Variants in SPG11 observed in about 807,000 individuals in gnomAD.
SPG11 encodes the protein SPG11 vesicle trafficking associated, spatacsin.
A neutral mutation model predicts 274.0 loss-of-function variants in SPG11; 222 were observed. The observed-to-expected ratio is 0.81, with a 90% CI of 0.73 to 0.91. The LOEUF is 0.91. Among genes scored for constraint, SPG11 ranks in the 40% least tolerant of loss-of-function variants. The pLI, the probability that SPG11 is intolerant of heterozygous loss-of-function variation, is 0.00. For synonymous variants in SPG11, 1,144 were observed against 1,039.7 expected, an observed-to-expected ratio of 1.10 and a Z score of -1.93; for missense variants, 3,114 against 2,872.7, an observed-to-expected ratio of 1.08 and a Z score of -1.92.
chr15:44,609,846 A>G (rs1480872960), intron 18 of SPG11, among the ~76,000 whole-genome samples: 1 of 147,920 alleles, frequency 6.8e-6, no homozygotes, highest in Non-Finnish European at 1.5e-5. Context: ...ATCGTGTCTC[A>G]GCCACCCAAG....
At chr15:44,654,461 C>A (rs1439419692) in intron 4 of SPG11, among the ~76,000 whole-genome samples, 2 of 151,186 alleles carry the variant, frequency 1.3e-5, no homozygotes, top group African/African-American at 4.9e-5. Flanking sequence ...TGGGCCGAGA[C>A]TGCACCACTG....
At chr15:44,647,582 A>AT (rs998968428) in intron 7 of SPG11, among the ~76,000 whole-genome samples, 1 of 152,252 alleles carries the variant, frequency 6.6e-6, no homozygotes, top group Non-Finnish European at 1.5e-5. Flanking sequence ...ATATTCAGCC[A>AT]TAAAAAGGAA....
chr15:44,595,170 AT>A, intron 26 of SPG11, 88 bp downstream of exon 26: 1 of 1,336,892 alleles, frequency 7.5e-7, no homozygotes, highest in Non-Finnish European at 1.1e-6. Flanking sequence ...CTAAAAAAAA[AT>A]CCAGGGATGG....
intron 8 of SPG11, among the ~76,000 whole-genome samples, chr15:44,630,737 A>G (rs943336100): frequency 3.9e-5 from 6 of 151,936 alleles, no homozygotes; most frequent in Non-Finnish European, 8.8e-5. Flanking sequence ...GCACCACCAC[A>G]CATGGCTAAT....
At chr15:44,634,407 TG>T (rs1176992154) in intron 7 of SPG11, among the ~76,000 whole-genome samples, 1 of 151,684 alleles carries the variant, frequency 6.6e-6, no homozygotes, top group Non-Finnish European at 1.5e-5. Flanking sequence ...CTGGAGTAAC[TG>T]GGACTACAGG....
At chr15:44,564,220 T>C (rs1435662548) in intron 39 of SPG11, among the ~76,000 whole-genome samples, 1 of 152,032 alleles carries the variant, frequency 6.6e-6, no homozygotes, top group Non-Finnish European at 1.5e-5. Context: ...CTCAAACTCC[T>C]GACCTCAAGT....
At chr15:44,663,157 C>G (rs2085166854) in intron 1 of SPG11, among the ~76,000 whole-genome samples, 1 of 152,256 alleles carries the variant, frequency 6.6e-6, no homozygotes, top group Non-Finnish European at 1.5e-5. Context: ...GCCGTCTCCG[C>G]CCACCCGGAA....
chr15:44,569,185 GA>G (rs535414227), intron 35 of SPG11, among the ~76,000 whole-genome samples: 38 of 144,986 alleles, frequency 2.6e-4, no homozygotes, highest in Admixed American at 1.0e-3. Context: ...AAAAGAAAAA[GA>G]AAAAAAAAAT....
intron 3 of SPG11, 140 bp downstream of exon 3, chr15:44,658,939 C>T (rs1394025471): frequency 1.3e-6 from 1 of 744,518 alleles, no homozygotes; most frequent in East Asian, 2.5e-5. Flanking sequence ...TTATGAGGAT[C>T]TTTTTCCATG....
Position 44,659,284 on chromosome 15 carries a change from CAA to C in SPG11, c.460_461del (p.Leu154GlufsTer8), listed in dbSNP as rs1595938132. 1 of 1,613,648 alleles carries C rather than the reference CAA, an allele frequency of 6.2e-7. No homozygotes were observed. Among genetic ancestry groups the C allele is most frequent in the Non-Finnish European group, 8.5e-7 (1 of 1,179,598 alleles). ...TGTTATTGTGAAATGACAGGATTCT[CAA>C]AGACAATAAGGAAATACCTACAAAA... ...DQDISISLLS[L>X]RILSFHNNTS... On this transcript the variant is annotated frameshift_variant, in exon 3 of 40. Coordinates refer to ENST00000261866, the MANE Select transcript of SPG11 (RefSeq NM_025137.4). LOFTEE classifies it high-confidence loss of function.
intron 38 of SPG11, 91 bp from the exon 39 acceptor site, chr15:44,564,789 A>C: frequency 1.2e-5 from 16 of 1,357,386 alleles, no homozygotes; most frequent in Non-Finnish European, 1.7e-5. Context: ...CTGTATACTC[A>C]CTCATGTAGT....
chr15:44,642,021 T>C (rs1194623400), intron 7 of SPG11, among the ~76,000 whole-genome samples: 1 of 151,354 alleles, frequency 6.6e-6, no homozygotes, highest in Non-Finnish European at 1.5e-5. Context: ...TGAACTATAG[T>C]TATATACATT....
intron 8 of SPG11, among the ~76,000 whole-genome samples, chr15:44,632,507 G>A (rs1162916044): frequency 1.3e-5 from 2 of 151,664 alleles, no homozygotes; most frequent in Admixed American, 6.6e-5. Flanking sequence ...AAGCAGAGAA[G>A]TCTGGGTGAA....
At chr15:44,580,026 G>T (rs1290977522) in intron 30 of SPG11, among the ~76,000 whole-genome samples, 2 of 152,098 alleles carry the variant, frequency 1.3e-5, no homozygotes, top group Non-Finnish European at 1.5e-5. Flanking sequence ...GCAACTTCTA[G>T]TCCTGCAAGC....
Position 44,626,462 on chromosome 15 carries a change from G to A in SPG11, c.2113C>T (p.Gln705Ter), listed in dbSNP as rs758729122. The A allele has an allele frequency of 1.2e-6, 2 of 1,614,006 alleles. No individual in the cohort carries two copies. The highest frequency in any genetic ancestry group is 1.7e-6 in the Non-Finnish European group (2 of 1,179,964). ...TGACTATCAATCCTGAAGAAAGTCT[G>A]TGCCTCTGGTATTTTGTTGTTTAAA... Reference protein sequence around the residue: ...AILNNKIPEAQTFFRIDSHSA... With the variant: ...AILNNKIPEA The change falls in exon 11 of 40, where the codon CAG (glutamine) becomes TAG (stop). Residue 705 changes from glutamine to a stop codon, truncating the protein, a stop_gained. Transcript: ENST00000261866. LOFTEE classifies it high-confidence loss of function.
In SPG11 at chr15:44,629,581, T is replaced by G. The variant is rs145544135; in HGVS notation, c.1736-193A>C. The stretch of plus-strand genomic sequence containing the variant: ...TAATGATTCTAATTATTAATAGTTA[T>G]CATTTACTGATATCACTGCTATTAC... On this transcript the variant is annotated intron_variant, in intron 8 of 39. Coordinates refer to ENST00000261866, the MANE Select transcript of SPG11 (RefSeq NM_025137.4). Among the ~76,000 whole-genome samples, 1,636 of 152,356 alleles carry G rather than the reference T, an allele frequency of 0.011. 33 individuals carry two copies. The highest frequency in any genetic ancestry group is 0.038 in the African/African-American group (1,569 of 41,574).
intron 33 of SPG11, among the ~76,000 whole-genome samples, chr15:44,571,123 T>TTAAAA (rs2082414576): frequency 6.6e-6 from 1 of 152,104 alleles, no homozygotes; most frequent in Non-Finnish European, 1.5e-5. Flanking sequence ...CTACAATCAC[T>TTAAAA]GTAAGCACAA....
intron 18 of SPG11, 117 bp from the exon 19 acceptor site, chr15:44,608,722 A>G: frequency 1.1e-6 from 1 of 931,020 alleles, no homozygotes; most frequent in South Asian, 1.7e-5. Context: ...GTGGTAGTGA[A>G]TATAGCATTA....
chr15:44,644,049 C>T (rs1436390742), intron 7 of SPG11, among the ~76,000 whole-genome samples: 1 of 151,846 alleles, frequency 6.6e-6, no homozygotes, highest in Admixed American at 6.6e-5. Context: ...CACCTGTAGT[C>T]CCAGCTACTC....
Sources: allele counts gnomAD v4.1 joint callset (sites outside exome capture counted in the v4.1 genomes callset), GRCh38; gene constraint gnomAD v4.1.1; transcripts MANE v1.5; gene names NCBI Gene and HGNC (gene_info 2026-07-23, HGNC 2026-07-21).